Variants in TMEM178B observed in about 807,000 individuals in gnomAD.
TMEM178B encodes transmembrane protein 178B.
Under a neutral mutation model 31.0 loss-of-function variants are expected in TMEM178B, and 5 were observed. That is an observed-to-expected ratio of 0.16 (90% CI 0.08 to 0.34). TMEM178B has a LOEUF of 0.34. TMEM178B is among the 10% of genes least tolerant of loss of function. The pLI is 1.00. For synonymous variants in TMEM178B, 164 were observed against 164.0 expected (o/e 1.00, Z 0.00); for missense variants, 275 against 400.3 (o/e 0.69, Z 2.67).
At chr7:141,367,984 A>G (rs1018446815) in intron 2 of TMEM178B, among the ~76,000 whole-genome samples, 1 of 152,208 alleles carries the variant, frequency 6.6e-6, no homozygotes, top group Non-Finnish European at 1.5e-5. Context: ...AGAAGGAGGC[A>G]GAGGCCATGC....
chr7:141,323,154 T>A (rs1799130652), intron 2 of TMEM178B, among the ~76,000 whole-genome samples: 1 of 152,184 alleles, frequency 6.6e-6, no homozygotes, highest in African/African-American at 2.4e-5. Flanking sequence ...CCTTGGTAAA[T>A]GTTAAAGAGA....
At chr7:141,465,649 T>C (rs1036813512) in intron 3 of TMEM178B, among the ~76,000 whole-genome samples, 3 of 152,236 alleles carry the variant, frequency 2.0e-5, no homozygotes, top group Non-Finnish European at 4.4e-5. Flanking sequence ...ACCATGCACC[T>C]ACATTTATCT....
chr7:141,156,019 C>T (rs532058583), intron 1 of TMEM178B, among the ~76,000 whole-genome samples: 5 of 152,154 alleles, frequency 3.3e-5, no homozygotes, highest in Admixed American at 6.5e-5. Context: ...GAGCCGAGAT[C>T]GTACCACTGC....
intron 3 of TMEM178B, among the ~76,000 whole-genome samples, chr7:141,438,875 CA>C (rs764682650): frequency 2.3e-5 from 3 of 132,800 alleles, no homozygotes; most frequent in South Asian, 2.4e-4. Flanking sequence ...GATTCCGTCT[CA>C]AAAAAAAAGA....
At chr7:141,410,503 C>T (rs1234203697) in intron 2 of TMEM178B, among the ~76,000 whole-genome samples, 1 of 131,728 alleles carries the variant, frequency 7.6e-6, no homozygotes, top group Non-Finnish European at 1.6e-5. Context: ...TTCCTTCCTT[C>T]CCTCCTTCCT....
chr7:141,196,570 G>T (rs1359588374), intron 1 of TMEM178B, among the ~76,000 whole-genome samples: 1 of 152,172 alleles, frequency 6.6e-6, no homozygotes, highest in African/African-American at 2.4e-5. Context: ...TTCCATCTTG[G>T]CTTGGACTCA....
intron 3 of TMEM178B, among the ~76,000 whole-genome samples, chr7:141,448,862 T>C (rs58711416): frequency 0.016 from 2,437 of 152,216 alleles, 63 homozygotes; most frequent in African/African-American, 0.056. Context: ...ATCACTAAAC[T>C]GTGCTGAGTT....
chr7:141,437,602 C>T lies in TMEM178B; in HGVS notation c.497-6C>T. The T allele has an allele frequency of 6.5e-7, 1 of 1,536,028 alleles. No individual in the cohort carries two copies. Among genetic ancestry groups the T allele is most frequent in the East Asian group, 2.4e-5 (1 of 40,904 alleles). On this transcript the variant is annotated splice_region_variant and splice_polypyrimidine_tract_variant and intron_variant, in intron 2 of 3. Transcript: ENST00000565468. ...TGCTGACTGTTGCTCGCCTGCTTCC[C>T]CACAGACCTGCGCAGAATGACGGCT...
chr7:141,258,892 C>T (rs555758636), intron 2 of TMEM178B, among the ~76,000 whole-genome samples: 24 of 152,016 alleles, frequency 1.6e-4, no homozygotes, highest in Non-Finnish European at 2.6e-4. Context: ...TAAGATTTTC[C>T]CTTTATCTTT....
intron 2 of TMEM178B, among the ~76,000 whole-genome samples, chr7:141,361,714 C>T (rs1302744612): frequency 6.6e-6 from 1 of 152,192 alleles, no homozygotes; most frequent in Non-Finnish European, 1.5e-5. Context: ...TTGATTGTCT[C>T]CATGACACCG....
At chr7:141,098,999 A>G (rs1416082389) in intron 1 of TMEM178B, among the ~76,000 whole-genome samples, 1 of 152,164 alleles carries the variant, frequency 6.6e-6, no homozygotes, top group Non-Finnish European at 1.5e-5. Context: ...ACAAACAAAC[A>G]TGTTTAGAGA....
At chr7:141,487,361 C>T in the TMEM178B span, among the ~76,000 whole-genome samples, 11 of 152,058 alleles carry the variant, frequency 7.2e-5, no homozygotes, top group African/African-American at 1.9e-4. Flanking sequence ...GGTCTTCTGC[C>T]CTCTGTATTA....
At chr7:141,105,024 A>G (rs1795119110) in intron 1 of TMEM178B, among the ~76,000 whole-genome samples, 1 of 152,184 alleles carries the variant, frequency 6.6e-6, no homozygotes, top group Admixed American at 6.5e-5. Flanking sequence ...AGAGTCACAG[A>G]TCTGACTTAA....
intron 2 of TMEM178B, among the ~76,000 whole-genome samples, chr7:141,337,987 G>A (rs374620406): frequency 7.2e-5 from 11 of 152,100 alleles, no homozygotes; most frequent in African/African-American, 1.2e-4. Context: ...ACAGGCACCC[G>A]TCACCACGCC....
intron 2 of TMEM178B, among the ~76,000 whole-genome samples, chr7:141,298,604 C>T (rs948059382): frequency 2.0e-5 from 3 of 152,330 alleles, no homozygotes; most frequent in South Asian, 4.1e-4. Context: ...CAATAGTTCT[C>T]ATCTCACTAA....
intron 2 of TMEM178B, among the ~76,000 whole-genome samples, chr7:141,234,047 T>C (rs148686414): frequency 1.1e-3 from 168 of 152,338 alleles, no homozygotes; most frequent in Non-Finnish European, 2.0e-3. Flanking sequence ...CTGATGCTTC[T>C]AAAAAGATGT....
Position 141,137,825 on chromosome 7 carries a change from G to A in TMEM178B, c.382+63133G>A, listed in dbSNP as rs188270119. ...TTATTGTGTATCAATGAAAACAATC[G>A]TTTGAAGGATATGAAAATAGAGAAA... On this transcript the variant is annotated intron_variant, in intron 1 of 3. Coordinates refer to ENST00000565468, the MANE Select transcript of TMEM178B (RefSeq NM_001195278.2). Among the ~76,000 whole-genome samples, 60 of 152,154 alleles carry A rather than the reference G, an allele frequency of 3.9e-4. No homozygotes were observed. The East Asian group carries it at 7.2e-3, about 18-fold the overall frequency.
chr7:141,207,130 G>A (rs2366079), intron 1 of TMEM178B, among the ~76,000 whole-genome samples: 7 of 152,060 alleles, frequency 4.6e-5, no homozygotes, highest in Non-Finnish European at 1.0e-4. Flanking sequence ...TTTAAAGACC[G>A]ATTATATGGC....
chr7:141,223,530 T>C (rs1797289993), intron 2 of TMEM178B, among the ~76,000 whole-genome samples: 1 of 151,000 alleles, frequency 6.6e-6, no homozygotes, highest in Non-Finnish European at 1.5e-5. Flanking sequence ...GGTTTAACTT[T>C]GGAGGTCATA....
Sources: gnomAD v4.1 joint callset for allele counts (sites outside exome capture counted in the v4.1 genomes callset) on GRCh38, gnomAD v4.1.1 for gene constraint, MANE v1.5 for transcripts, NCBI Gene and HGNC (gene_info 2026-07-23, HGNC 2026-07-21) for gene names.